The following SLC1A7 variants were observed in gnomAD, a reference collection of about 807,000 sequenced individuals.
SLC1A7 encodes excitatory amino acid transporter 5.
SLC1A7 carries 40 observed loss-of-function variants against 47.7 expected under a neutral mutation model. That is an observed-to-expected ratio of 0.84 (90% confidence interval 0.65 to 1.09). SLC1A7 has a LOEUF of 1.09. SLC1A7 is among the 50% of genes least tolerant of loss of function. SLC1A7 has a pLI of 0.00. For missense variants in SLC1A7, 746 were observed against 769.5 expected (o/e 0.97, Z 0.36); for synonymous variants, 323 against 325.6 (o/e 0.99, Z 0.09).
chr1:53,125,032 T>TG (rs1644867146), intron 2 of SLC1A7, among the ~76,000 whole-genome samples: 2 of 152,224 alleles, frequency 1.3e-5, no homozygotes, highest in East Asian at 1.9e-4. Context: ...AGTGGCCTGC[T>TG]CGGGGAAGAA....
At chr1:53,133,862 A>G (rs927776668) in intron 2 of SLC1A7, among the ~76,000 whole-genome samples, 51 of 151,664 alleles carry the variant, frequency 3.4e-4, no homozygotes, top group African/African-American at 1.2e-3. Flanking sequence ...TACACAACAT[A>G]TAGTCTTCAT....
chr1:53,106,461 GGGC>G, intron 3 of SLC1A7, among the ~76,000 whole-genome samples: 1 of 151,886 alleles, frequency 6.6e-6, no homozygotes, highest in African/African-American at 2.4e-5. Flanking sequence ...AAAATTAGCT[GGGC>G]ACGGTGGCGG....
chr1:53,101,925 C>G (rs1644588474), intron 5 of SLC1A7, among the ~76,000 whole-genome samples: 1 of 151,974 alleles, frequency 6.6e-6, no homozygotes, highest in Non-Finnish European at 1.5e-5. Flanking sequence ...CTCACACGCC[C>G]TGCCTCGGTA....
chr1:53,093,655 C>T, intron 5 of SLC1A7, 95 bp from the exon 6 acceptor site: 2 of 855,404 alleles, frequency 2.3e-6, no homozygotes, highest in Non-Finnish European at 3.7e-6. Flanking sequence ...AGCCTTGATG[C>T]TCCAGCACTC....
intron 3 of SLC1A7, among the ~76,000 whole-genome samples, chr1:53,106,800 G>A (rs1230467113): frequency 6.6e-6 from 1 of 152,102 alleles, no homozygotes; most frequent in South Asian, 2.1e-4. Flanking sequence ...GGAAAAAATA[G>A]ATGTTAGATG....
chr1:53,134,794 C>T (rs137931538), intron 1 of SLC1A7, among the ~76,000 whole-genome samples: 4 of 152,158 alleles, frequency 2.6e-5, no homozygotes, highest in Non-Finnish European at 5.9e-5. Context: ...ACCCTGTGGA[C>T]GTTGTTTTTT....
chr1:53,100,496 G>A (rs953539500), intron 5 of SLC1A7, among the ~76,000 whole-genome samples: 2 of 140,418 alleles, frequency 1.4e-5, no homozygotes, highest in African/African-American at 3.0e-5. Context: ...ACGCTGCCTC[G>A]GTACATTCAC....
intron 2 of SLC1A7, among the ~76,000 whole-genome samples, chr1:53,130,312 G>A (rs1214871927): frequency 6.6e-6 from 1 of 152,128 alleles, no homozygotes; most frequent in East Asian, 1.9e-4. Flanking sequence ...ATAGACCCTT[G>A]TGGCATGCTG....
At position 53,088,932 on chromosome 1, in the gene SLC1A7, G is replaced by A. The variant is rs765212164; in HGVS notation, c.1409C>T (p.Ala470Val). 1.7e-5 allele frequency: 27 copies of A among 1,614,006 alleles called. No homozygotes were observed. The highest frequency in any genetic ancestry group is 2.2e-5 in the Non-Finnish European group (26 of 1,180,010). ...CCGACATATATGGGCCATGATCCCC[G>A]CTGCCAGCGCATCACCCAGCACGTT... ...MINVLGDALAAGIMAHICRKD... is the reference protein window; with the variant it reads ...MINVLGDALAVGIMAHICRKD... The change falls in exon 10 of 11, where the codon GCG (alanine) becomes GTG (valine). Residue 470 changes from alanine to valine, a missense_variant. By Grantham distance (64) the Ala-to-Val change is moderately conservative (BLOSUM62 0). Coordinates refer to ENST00000371494, the MANE Select transcript of SLC1A7 (RefSeq NM_006671.6).
intron 2 of SLC1A7, among the ~76,000 whole-genome samples, chr1:53,129,579 C>G (rs182641702): frequency 7.3e-6 from 1 of 136,910 alleles, no homozygotes; most frequent in East Asian, 2.2e-4. Flanking sequence ...AAAAAGAGCC[C>G]ACAGCTGGAA....
intron 5 of SLC1A7, among the ~76,000 whole-genome samples, chr1:53,101,538 A>ACACT (rs1342358888): frequency 2.2e-5 from 3 of 139,344 alleles, no homozygotes; most frequent in Admixed American, 2.1e-4. Flanking sequence ...CTGACTCGTC[A>ACACT]CACTCACTCA....
chr1:53,100,942 A>G (rs1169979868), intron 5 of SLC1A7, among the ~76,000 whole-genome samples: 3 of 131,682 alleles, frequency 2.3e-5, no homozygotes, highest in Non-Finnish European at 4.9e-5. Flanking sequence ...CACACCCTGC[A>G]CCGGTACACT....
At chr1:53,108,377 A>G in intron 3 of SLC1A7, 1 of 566,942 alleles carries the variant, frequency 1.8e-6, no homozygotes, top group Non-Finnish European at 3.2e-6. Context: ...TTACAATTAC[A>G]ATCATTTTAA....
intron 1 of SLC1A7, among the ~76,000 whole-genome samples, chr1:53,137,856 T>C (rs1372822833): frequency 6.6e-6 from 1 of 152,220 alleles, no homozygotes; most frequent in African/African-American, 2.4e-5. Context: ...CTAGGCCCAG[T>C]GCTTGTCATG....
At chr1:53,108,739 C>T (rs937838451) in intron 3 of SLC1A7, 1 of 688,958 alleles carries the variant, frequency 1.5e-6, no homozygotes. Flanking sequence ...GAGGGCAGGG[C>T]CTGGGACCCT....
intron 5 of SLC1A7, among the ~76,000 whole-genome samples, chr1:53,099,534 A>G (rs577154605): frequency 4.7e-4 from 66 of 141,170 alleles, no homozygotes; most frequent in Non-Finnish European, 9.5e-4. Flanking sequence ...ACACTCACAC[A>G]CCCCACCACA....
At chr1:53,114,447 A>G in intron 3 of SLC1A7, 1 of 401,168 alleles carries the variant, frequency 2.5e-6, no homozygotes, top group Non-Finnish European at 4.6e-6. Context: ...ACCAATAAAC[A>G]AAGGGAGGGG....
rs1254816987 is a variant in SLC1A7, at chr1:53,136,664, ATAT to A, written c.136-2238_136-2236del. On this transcript the variant is annotated intron_variant, in intron 1 of 10. Transcript: ENST00000371494. ...AAACATATATATATTATATATATAT[ATAT>A]TTTTTTTTTTTTTTTTTGAGACAAG... is the stretch of plus-strand genomic sequence containing the variant. Among the ~76,000 whole-genome samples, 68 of 46,948 alleles carry A rather than the reference ATAT, an allele frequency of 1.4e-3. 1 individual carries two copies. Among genetic ancestry groups the A allele is most frequent in the African/African-American group, 2.6e-3 (31 of 11,824 alleles). The allele number at this position is 46,948 out of a possible 152,430, so 30.8% of individuals were successfully genotyped here. A position where few individuals can be genotyped will look rare whatever the true frequency, so the allele number is the denominator to read the frequency against.
intron 1 of SLC1A7, among the ~76,000 whole-genome samples, chr1:53,135,099 A>G (rs986685884): frequency 3.9e-5 from 6 of 152,186 alleles, no homozygotes; most frequent in Non-Finnish European, 7.3e-5. Context: ...CCTGGATGAC[A>G]GCCAATGTTT....
Sources: gnomAD v4.1 joint callset for allele counts (sites outside exome capture counted in the v4.1 genomes callset) on GRCh38, gnomAD v4.1.1 for gene constraint, MANE v1.5 for transcripts, NCBI Gene and HGNC (gene_info 2026-07-23, HGNC 2026-07-21) for gene names.